The following FGF7 variants were observed in gnomAD, a reference collection of about 807,000 sequenced individuals.
FGF7 encodes the protein fibroblast growth factor 7, also known as FGF-7.
FGF7 carries 6 observed loss-of-function variants against 20.5 expected under a neutral mutation model. The ratio of observed to expected loss-of-function variants is 0.29; its 90% CI spans 0.16 to 0.58. The LOEUF (loss-of-function observed/expected upper bound fraction) is 0.58, where lower values mean the gene tolerates loss of function less well. Ranked by LOEUF, FGF7 falls within the 20% of genes least tolerant of loss-of-function variation. The pLI is 0.90. For missense variants in FGF7, 144 were observed against 228.8 expected (o/e 0.63, Z 2.39); for synonymous variants, 64 against 74.7 (o/e 0.86, Z 0.74).
At chr15:49,437,057 T>C (rs962615083) in intron 2 of FGF7, among the ~76,000 whole-genome samples, 8 of 151,766 alleles carry the variant, frequency 5.3e-5, no homozygotes, top group African/African-American at 1.9e-4. Context: ...TTTAACTTGG[T>C]TGTATTTTAA....
intron 2 of FGF7, among the ~76,000 whole-genome samples, chr15:49,457,012 G>A (rs1396567717): frequency 3.9e-5 from 6 of 152,070 alleles, no homozygotes; most frequent in Non-Finnish European, 7.4e-5. Flanking sequence ...CTAGTGAGTG[G>A]ATGAATCTAG....
intron 2 of FGF7, among the ~76,000 whole-genome samples, chr15:49,444,082 T>G (rs1226106655): frequency 6.6e-6 from 1 of 151,678 alleles, no homozygotes; most frequent in Non-Finnish European, 1.5e-5. Context: ...TCACCTTTCT[T>G]ATAAGGATCT....
At chr15:49,425,358 A>C (rs2050032057) in intron 2 of FGF7, 1 of 151,984 alleles carries the variant, frequency 6.6e-6, no homozygotes, top group Admixed American at 6.6e-5. Flanking sequence ...CTTATGTTAA[A>C]ATATCAGGGT....
At position 49,424,250 on chromosome 15, in the gene FGF7, A is replaced by C; in HGVS notation, c.-48A>C. On this transcript the variant is annotated 5_prime_UTR_variant, in exon 2 of 4. Transcript: ENST00000267843. ...ACCTAGGAGTAACAATCAACTCAAGATTCATTTTCATTATGTTATTCATGA... is the reference window on the plus strand; with the variant it reads ...ACCTAGGAGTAACAATCAACTCAAGCTTCATTTTCATTATGTTATTCATGA... 1 of 1,534,554 alleles carries C rather than the reference A, an allele frequency of 6.5e-7. No homozygotes were observed. Among genetic ancestry groups the C allele is most frequent in the Non-Finnish European group, 8.9e-7 (1 of 1,117,862 alleles).
At chr15:49,465,365 A>T (rs1426645125) in intron 2 of FGF7, among the ~76,000 whole-genome samples, 1 of 150,012 alleles carries the variant, frequency 6.7e-6, no homozygotes, top group Non-Finnish European at 1.5e-5. Context: ...CGAACTCCTG[A>T]GCTCAAGTGA....
chr15:49,482,949 T>C (rs1303067405), intron 2 of FGF7, among the ~76,000 whole-genome samples: 1 of 152,020 alleles, frequency 6.6e-6, no homozygotes, highest in Non-Finnish European at 1.5e-5. Flanking sequence ...TAAAAAACCA[T>C]CGGTTTGCAC....
At chr15:49,447,509 A>C (rs2052334890) in intron 2 of FGF7, among the ~76,000 whole-genome samples, 1 of 151,668 alleles carries the variant, frequency 6.6e-6, no homozygotes, top group Non-Finnish European at 1.5e-5. Flanking sequence ...TCTCAATCTT[A>C]ATGTGATTTA....
At chr15:49,446,831 G>C (rs2052263775) in intron 2 of FGF7, among the ~76,000 whole-genome samples, 1 of 151,642 alleles carries the variant, frequency 6.6e-6, no homozygotes, top group South Asian at 2.1e-4. Flanking sequence ...AAGGATGTTA[G>C]GAAGTAAATG....
At chr15:49,425,872 AT>A (rs956268092) in intron 2 of FGF7, among the ~76,000 whole-genome samples, 5 of 151,782 alleles carry the variant, frequency 3.3e-5, no homozygotes, top group African/African-American at 1.2e-4. Flanking sequence ...GATCATTCTT[AT>A]TATACTAAAG....
intron 2 of FGF7, among the ~76,000 whole-genome samples, chr15:49,437,727 C>T (rs553035638): frequency 1.1e-4 from 17 of 151,634 alleles, no homozygotes; most frequent in South Asian, 2.1e-4. Context: ...GCATATATTA[C>T]GTATTATGTA....
rs896056849 is a variant in FGF7 at position 49,484,588 on chromosome 15, C to A, written c.*84C>A. On this transcript the variant is annotated 3_prime_UTR_variant, in exon 4 of 4. Transcript: ENST00000267843. ...TTCTTTCTTCTCAAAATTTTCTTTC[C>A]TTTTATTTTTTAGTAATCAAGAAAG... 1.5e-6 allele frequency: 1 copy of A among 654,518 alleles called. No homozygotes were observed. Among genetic ancestry groups the A allele is most frequent in the Non-Finnish European group, 2.4e-6 (1 of 423,194 alleles). 40.5% of individuals were successfully genotyped at this position (654,518 alleles called of 1,614,324 possible).
At chr15:49,433,166 T>C (rs539836519) in intron 2 of FGF7, among the ~76,000 whole-genome samples, 16 of 151,566 alleles carry the variant, frequency 1.1e-4, no homozygotes, top group East Asian at 3.9e-4. Flanking sequence ...AAATCAATTA[T>C]TTGAGATTTT....
intron 2 of FGF7, among the ~76,000 whole-genome samples, chr15:49,469,368 AC>A (rs1191039398): frequency 2.6e-5 from 4 of 152,112 alleles, no homozygotes; most frequent in Admixed American, 2.0e-4. Context: ...TTCTATTTCT[AC>A]TTGAAGGATA....
rs1011254560 is a variant in FGF7 at position 49,475,644 on chromosome 15, TA to T, written c.287-7506del. ...TTCATAACATCTAAAAACAATTTGA[TA>T]TTTTTTTTACTTTGTAACAATTCCC... On this transcript the variant is annotated intron_variant, in intron 2 of 3. Coordinates refer to ENST00000267843, the MANE Select transcript of FGF7 (RefSeq NM_002009.4). Among the ~76,000 whole-genome samples, 47 of 152,328 alleles carry T rather than the reference TA, an allele frequency of 3.1e-4. 1 individual carries two copies. Among genetic ancestry groups the T allele is most frequent in the Middle Eastern group, 3.4e-3 (1 of 294 alleles).
At position 49,476,232 on chromosome 15, in the gene FGF7, G is replaced by GTTTTTTTTTTTTT; in HGVS notation, c.287-6918_287-6906dup. The stretch of plus-strand genomic sequence containing the variant: ...TTGCTGTTTTGTTTTTTTGTTTTTG[G>GTTTTTTTTTTTTT]TTTTTTTTTTTTTGCATTTGGCATA... On this transcript the variant is annotated intron_variant, in intron 2 of 3. Transcript: ENST00000267843. Among the ~76,000 whole-genome samples the GTTTTTTTTTTTTT allele has an allele frequency of 8.7e-3, 496 of 57,158 alleles. 62 individuals are homozygous for GTTTTTTTTTTTTT. The highest frequency in any genetic ancestry group is 0.012 in the Non-Finnish European group (335 of 27,260). 37.5% of individuals were successfully genotyped at this position (57,158 alleles called of 152,430 possible). A position where few individuals can be genotyped will look rare whatever the true frequency, so the allele number is the denominator to read the frequency against.
rs578167764 is a variant in FGF7 at position 49,451,200 on chromosome 15, G to T, written c.286+26617G>T. 1.1e-4 allele frequency among the ~76,000 whole-genome samples: 16 copies of T among 151,902 alleles called. No homozygotes were observed. The South Asian group carries it at 2.3e-3, about 22-fold the overall frequency. ...ACTTACATATAAAATAAATAATACGGTCATTTAAAATTTTAACCAATTAGA... is the reference window on the plus strand; with the variant it reads ...ACTTACATATAAAATAAATAATACGTTCATTTAAAATTTTAACCAATTAGA... On this transcript the variant is annotated intron_variant, in intron 2 of 3. Transcript: ENST00000267843.
chr15:49,423,439 A>C lies in FGF7; in HGVS notation c.-268A>C, dbSNP rs1377325977. On this transcript the variant is annotated splice_region_variant and 5_prime_UTR_variant, in exon 1 of 4. Coordinates refer to ENST00000267843, the MANE Select transcript of FGF7 (RefSeq NM_002009.4). ...TATATCCAGCTGTTAGCAACAAAAC[A>C]AGTAAGTTACTGTTATTTGTCTTTT... is the stretch of plus-strand genomic sequence containing the variant. The C allele has an allele frequency of 6.6e-6, 1 of 152,186 alleles. No homozygotes were observed. The highest frequency in any genetic ancestry group is 1.5e-5 in the Non-Finnish European group (1 of 68,024). 9.4% of individuals were successfully genotyped at this position (152,186 alleles called of 1,614,324 possible).
At chr15:49,436,067 A>C (rs2051078331) in intron 2 of FGF7, among the ~76,000 whole-genome samples, 1 of 151,564 alleles carries the variant, frequency 6.6e-6, no homozygotes, top group Non-Finnish European at 1.5e-5. Flanking sequence ...CGGAAGAAAA[A>C]AAAGACCCTC....
At chr15:49,446,840 T>C (rs1322562247) in intron 2 of FGF7, among the ~76,000 whole-genome samples, 3 of 150,946 alleles carry the variant, frequency 2.0e-5, no homozygotes, top group African/African-American at 4.9e-5. Context: ...AGGAAGTAAA[T>C]GGAGAAAGAT....
Sources: gnomAD v4.1 joint callset for allele counts (sites outside exome capture counted in the v4.1 genomes callset) on GRCh38, gnomAD v4.1.1 for gene constraint, MANE v1.5 for transcripts, NCBI Gene and HGNC (gene_info 2026-07-23, HGNC 2026-07-21) for gene names.